The following COG6 variants were observed in gnomAD, a reference collection of about 807,000 sequenced individuals.
COG6 encodes the protein component of oligomeric golgi complex 6.
Under a neutral mutation model 88.8 loss-of-function variants are expected in COG6, and 74 were observed. The observed-to-expected ratio is 0.83, with a 90% CI of 0.69 to 1.01. The LOEUF is 1.01. COG6 is among the 50% of genes least tolerant of loss of function. The pLI, the probability that COG6 is intolerant of heterozygous loss-of-function variation, is 0.00. For missense variants in COG6, 800 were observed against 797.9 expected, an observed-to-expected ratio of 1.00 and a Z score of -0.03; for synonymous variants, 286 against 278.7, an observed-to-expected ratio of 1.03 and a Z score of -0.26.
intron 4 of COG6, among the ~76,000 whole-genome samples, chr13:39,672,494 C>A (rs1875709645): frequency 1.3e-5 from 2 of 151,940 alleles, no homozygotes; most frequent in Non-Finnish European, 2.9e-5. Context: ...ATCTTTCATG[C>A]AAATAAGATC....
chr13:39,659,358 G>C lies in COG6; in HGVS notation c.154-6G>C, dbSNP rs1269343926. The C allele has an allele frequency of 1.9e-6, 3 of 1,613,014 alleles. No homozygotes were observed. Among genetic ancestry groups the C allele is most frequent in the Admixed American group, 1.7e-5 (1 of 59,990 alleles). On this transcript the variant is annotated splice_region_variant and splice_polypyrimidine_tract_variant and intron_variant, in intron 1 of 18. Coordinates refer to ENST00000455146, the MANE Select transcript of COG6 (RefSeq NM_020751.3). ...CAGTAACTGTCTTCTGTTACCAATT[G>C]TATAGGAGATGTTAGAAGCTCTCAA...
At chr13:39,660,944 A>G (rs1874859634) in intron 3 of COG6, 63 bp downstream of exon 3, 3 of 954,206 alleles carry the variant, frequency 3.1e-6, no homozygotes, top group Middle Eastern at 2.7e-4. Context: ...ATTATTATTG[A>G]CAAAATGTGT....
rs1331860972 is a variant in COG6 at position 39,655,884 on chromosome 13, C to A, written c.153+5C>A. ...ACGCGGCTGGACAACGACAAGGTAA[C>A]CGGGGCTGGCGGGGCCGGAGTCACA... On this transcript the variant is annotated splice_donor_5th_base_variant and intron_variant, in intron 1 of 18. Transcript: ENST00000455146. The A allele has an allele frequency of 6.2e-7, 1 of 1,605,428 alleles. No homozygotes were observed. Among genetic ancestry groups the A allele is most frequent in the South Asian group, 1.1e-5 (1 of 90,034 alleles).
At position 39,696,312 on chromosome 13, in the gene COG6, ACAAG is replaced by A. The variant is rs887464888; in HGVS notation, c.1166+1592_1166+1595del. 5.1e-4 allele frequency among the ~76,000 whole-genome samples: 77 copies of A among 152,082 alleles called. 2 individuals carry two copies. Among genetic ancestry groups the A allele is most frequent in the African/African-American group, 1.8e-3 (74 of 41,538 alleles). On this transcript the variant is annotated intron_variant, in intron 12 of 18. Coordinates refer to ENST00000455146, the MANE Select transcript of COG6 (RefSeq NM_020751.3). The stretch of plus-strand genomic sequence containing the variant: ...TTAAACTTACATTGTAGTAGGGGAG[ACAAG>A]CAAGTACAAAATAATAATTTTAGGT...
intron 18 of COG6, among the ~76,000 whole-genome samples, chr13:39,738,992 A>G (rs1363951558): frequency 6.6e-6 from 1 of 152,128 alleles, no homozygotes; most frequent in South Asian, 2.1e-4. Flanking sequence ...AATTAACATG[A>G]TGCTTCATAG....
intron 8 of COG6, among the ~76,000 whole-genome samples, chr13:39,685,011 AATAC>A (rs1272385242): frequency 1.3e-5 from 2 of 152,150 alleles, no homozygotes; most frequent in Admixed American, 6.5e-5. Context: ...AAAATGTAGT[AATAC>A]ATACAATGCT....
chr13:39,783,543 T>A (rs1367188451), intron 18 of COG6, among the ~76,000 whole-genome samples: 4 of 152,244 alleles, frequency 2.6e-5, no homozygotes, highest in Admixed American at 6.5e-5. Flanking sequence ...GCACTGTATC[T>A]TTTTTATTTT....
chr13:39,774,605 C>T (rs981666180), intron 18 of COG6, among the ~76,000 whole-genome samples: 6 of 151,372 alleles, frequency 4.0e-5, no homozygotes, highest in Non-Finnish European at 5.9e-5. Flanking sequence ...GACAGAGTCT[C>T]GCTCTGTCAC....
intron 18 of COG6, among the ~76,000 whole-genome samples, chr13:39,786,967 A>G (rs912140003): frequency 1.3e-5 from 2 of 152,194 alleles, no homozygotes; most frequent in South Asian, 2.1e-4. Context: ...ACTTAATACT[A>G]TTAATCACAT....
chr13:39,689,570 A>G (rs1189026450), intron 10 of COG6, among the ~76,000 whole-genome samples, 190 bp from the exon 11 acceptor site: 2 of 152,124 alleles, frequency 1.3e-5, no homozygotes, highest in East Asian at 1.9e-4. Context: ...GTATTATCAC[A>G]ATTAATATGT....
intron 13 of COG6, among the ~76,000 whole-genome samples, chr13:39,706,340 G>A (rs987995524): frequency 1.4e-5 from 2 of 145,312 alleles, no homozygotes; most frequent in African/African-American, 5.0e-5. Flanking sequence ...TTTGTGTTTG[G>A]TTGGCTAGTC....
At chr13:39,783,210 C>A (rs924752577) in intron 18 of COG6, among the ~76,000 whole-genome samples, 3 of 152,156 alleles carry the variant, frequency 2.0e-5, no homozygotes, top group Admixed American at 6.5e-5. Context: ...ATAATTCATT[C>A]TCTTTATTCC....
chr13:39,744,014 C>G (rs186477809), intron 18 of COG6, among the ~76,000 whole-genome samples: 67 of 152,276 alleles, frequency 4.4e-4, no homozygotes, highest in African/African-American at 1.3e-3. Context: ...ACATGATTAT[C>G]TCAATAAACG....
At chr13:39,722,645 T>A (rs970464853) in intron 15 of COG6, among the ~76,000 whole-genome samples, 2 of 151,976 alleles carry the variant, frequency 1.3e-5, no homozygotes, top group African/African-American at 4.8e-5. Flanking sequence ...GAACAAGATT[T>A]TTTCTCACCA....
chr13:39,718,451 A>G (rs1878656431), intron 13 of COG6, among the ~76,000 whole-genome samples: 1 of 152,126 alleles, frequency 6.6e-6, no homozygotes, highest in African/African-American at 2.4e-5. Flanking sequence ...AGAAATTCAT[A>G]GGCACTTCTT....
chr13:39,675,301 A>G (rs1593416328), intron 4 of COG6, among the ~76,000 whole-genome samples: 1 of 152,188 alleles, frequency 6.6e-6, no homozygotes, highest in Non-Finnish European at 1.5e-5. Context: ...CATAGGCCTT[A>G]TACATTGTGA....
chr13:39,711,110 C>T (rs1243636426), intron 13 of COG6, among the ~76,000 whole-genome samples: 3 of 151,982 alleles, frequency 2.0e-5, no homozygotes, highest in African/African-American at 7.3e-5. Context: ...CCTCCTCCAC[C>T]TGTAACATGT....
intron 16 of COG6, 141 bp from the exon 17 acceptor site, chr13:39,724,367 C>A: frequency 1.5e-6 from 1 of 650,618 alleles, no homozygotes; most frequent in Non-Finnish European, 2.7e-6. Flanking sequence ...GAAGAAATTA[C>A]ACTTGAGTTC....
At chr13:39,785,003 T>C (rs1354068629) in intron 18 of COG6, among the ~76,000 whole-genome samples, 1 of 152,092 alleles carries the variant, frequency 6.6e-6, no homozygotes, top group Non-Finnish European at 1.5e-5. Flanking sequence ...GGAATTGGAG[T>C]GAAGGCCCAG....
Sources: allele counts gnomAD v4.1 joint callset (sites outside exome capture counted in the v4.1 genomes callset), GRCh38; gene constraint gnomAD v4.1.1; transcripts MANE v1.5; gene names NCBI Gene and HGNC (gene_info 2026-07-23, HGNC 2026-07-21).